Variants in TKTL1 observed in about 807,000 individuals in gnomAD.
The protein encoded by TKTL1 is transketolase-like protein 1.
A neutral mutation model predicts 39.3 loss-of-function variants in TKTL1; 1 was observed. The observed-to-expected ratio is 0.03, with a 90% CI of 0.01 to 0.12. The LOEUF is 0.12. Ranked by LOEUF, TKTL1 falls within the 10% of genes least tolerant of loss-of-function variation. TKTL1 has a pLI of 1.00. For missense variants in TKTL1, 575 were observed against 509.6 expected (o/e 1.13, Z -1.24); for synonymous variants, 262 against 193.8 (o/e 1.35, Z -2.92).
At chrX:154,320,673 T>C in intron 7 of TKTL1, 84 bp from the exon 8 acceptor site, 1 of 967,991 alleles carries the variant, frequency 1.0e-6, no homozygotes, top group South Asian at 2.0e-5. Flanking sequence ...AGGTGCAGAA[T>C]GGGAGTTATC....
At chrX:154,300,840 G>A (rs2067268030) in intron 1 of TKTL1, among the ~76,000 whole-genome samples, 1 of 110,472 alleles carries the variant, frequency 9.1e-6, no homozygotes, top group Non-Finnish European at 1.9e-5. Flanking sequence ...CTACAGGTGT[G>A]TGCCACCGCA....
rs1557169146 is a variant in TKTL1, at chrX:154,315,288, A to G, written c.980A>G (p.Lys327Arg). 1 of 1,209,422 alleles carries G rather than the reference A, an allele frequency of 8.3e-7. No individual in the cohort carries two copies. Among genetic ancestry groups the G allele is most frequent in the Admixed American group, 2.2e-5 (1 of 45,681 alleles). The change falls in exon 7 of 13, where the codon AAG becomes AGG. Residue 327 changes from lysine (K) to arginine (R), a missense_variant. By Grantham distance (26) the Lys-to-Arg change is conservative. Coordinates refer to ENST00000369915, the MANE Select transcript of TKTL1 (RefSeq NM_012253.4). ...TCTACTTTCTCTGAGATATTCAACA[A>G]GGAGTACCCTGAGCGCTTCATCGAG... ...RYSTFSEIFNKEYPERFIECF... is the reference protein window; with the variant it reads ...RYSTFSEIFNREYPERFIECF...
chrX:154,324,159 TC>T (rs2067475447), intron 9 of TKTL1, among the ~76,000 whole-genome samples: 1 of 111,002 alleles, frequency 9.0e-6, no homozygotes. Flanking sequence ...GGGTTTTTTT[TC>T]TTTGGAGACA....
At chrX:154,308,801 G>A (rs139237394) in intron 2 of TKTL1, among the ~76,000 whole-genome samples, 2,036 of 109,934 alleles carry the variant, frequency 0.019, 27 homozygotes, top group African/African-American at 0.053. Context: ...CATTTCTAGC[G>A]TGGGCACTTC....
chrX:154,305,067 C>T (rs1389597034), intron 1 of TKTL1: 14 of 1,125,763 alleles, frequency 1.2e-5, no homozygotes, highest in Admixed American at 2.7e-5. Flanking sequence ...AAACTTGCCC[C>T]GAGTCCACGG....
chrX:154,315,008 A>G (rs782252701), intron 6 of TKTL1, among the ~76,000 whole-genome samples, 165 bp from the exon 7 acceptor site: 4 of 111,865 alleles, frequency 3.6e-5, no homozygotes, highest in African/African-American at 1.3e-4. Flanking sequence ...ATTGGCTAGC[A>G]GTCCATGTTT....
chrX:154,318,755 G>A (rs1603353892), intron 7 of TKTL1, among the ~76,000 whole-genome samples: 1 of 99,216 alleles, frequency 1.0e-5, no homozygotes, highest in African/African-American at 3.7e-5. Flanking sequence ...GAACAACATA[G>A]TGAGACCTGG....
chrX:154,298,781 C>T lies in TKTL1; in HGVS notation c.134+2788C>T, dbSNP rs781911010. Among the ~76,000 whole-genome samples, 3 of 111,212 alleles carry T rather than the reference C, an allele frequency of 2.7e-5. No homozygotes were observed. In the South Asian group the frequency reaches 1.1e-3, roughly 41 times the overall value. On this transcript the variant is annotated intron_variant, in intron 1 of 12. Coordinates refer to ENST00000369915, the MANE Select transcript of TKTL1 (RefSeq NM_012253.4). ...TGCTTTGATCTTTTTTATTTCCTTT[C>T]TCCTGCTAGCTTTGGGTTTAGTCCT...
intron 2 of TKTL1, among the ~76,000 whole-genome samples, chrX:154,308,146 C>T (rs782306612): frequency 8.9e-6 from 1 of 111,843 alleles, no homozygotes; most frequent in South Asian, 3.7e-4. Flanking sequence ...TGGGGCCAAG[C>T]ATCTGGAATC....
intron 1 of TKTL1, among the ~76,000 whole-genome samples, chrX:154,297,252 G>GTT (rs1178551145): frequency 9.5e-6 from 1 of 105,784 alleles, no homozygotes; most frequent in Non-Finnish European, 2.0e-5. Context: ...GGTTTTTTTT[G>GTT]TTTTTTTTTT....
chrX:154,304,972 A>G (rs1557166851), intron 1 of TKTL1: 6 of 987,521 alleles, frequency 6.1e-6, no homozygotes, highest in South Asian at 2.0e-5. Flanking sequence ...CTGATTCACA[A>G]TGCTCCTGAA....
At chrX:154,305,068 G>C (rs782762813) in intron 1 of TKTL1, 2 of 1,128,835 alleles carry the variant, frequency 1.8e-6, no homozygotes, top group Non-Finnish European at 2.4e-6. Flanking sequence ...AACTTGCCCC[G>C]AGTCCACGGT....
At chrX:154,325,551 G>C (rs2067487640) in intron 10 of TKTL1, 129 bp downstream of exon 10, 1 of 579,465 alleles carries the variant, frequency 1.7e-6, no homozygotes, top group African/African-American at 2.2e-5. Flanking sequence ...TTAAAAAACA[G>C]TTGTGACCTT....
intron 2 of TKTL1, among the ~76,000 whole-genome samples, chrX:154,306,620 G>C (rs1025504768): frequency 9.0e-6 from 1 of 111,386 alleles, no homozygotes; most frequent in Non-Finnish European, 1.9e-5. Context: ...CTATAAACTT[G>C]AACTTTTTTT....
At chrX:154,316,760 T>TG (rs2067403419) in intron 7 of TKTL1, among the ~76,000 whole-genome samples, 2 of 107,178 alleles carry the variant, frequency 1.9e-5, no homozygotes, top group East Asian at 5.9e-4. Context: ...GTTTTTGGTT[T>TG]TTTTTTGGGG....
At chrX:154,320,254 G>A (rs2067438057) in intron 7 of TKTL1, 2 of 115,142 alleles carry the variant, frequency 1.7e-5, no homozygotes, top group African/African-American at 3.2e-5. Flanking sequence ...GAGAAAGCAG[G>A]GGCAATGACT....
chrX:154,316,811 C>T (rs1043041298), intron 7 of TKTL1, among the ~76,000 whole-genome samples: 16 of 106,362 alleles, frequency 1.5e-4, no homozygotes, highest in South Asian at 4.3e-4. Flanking sequence ...TCTCTCTCAC[C>T]GAGGCTGGAG....
chrX:154,303,456 C>T (rs1322018769), intron 1 of TKTL1, among the ~76,000 whole-genome samples: 3 of 89,250 alleles, frequency 3.4e-5, no homozygotes, highest in Non-Finnish European at 6.4e-5. Context: ...GTCTCAAACT[C>T]CTGGGCTCAA....
intron 6 of TKTL1, among the ~76,000 whole-genome samples, chrX:154,313,634 C>T (rs781831992): frequency 4.5e-5 from 5 of 111,293 alleles, no homozygotes; most frequent in Middle Eastern, 4.6e-3. Context: ...AGAAAGGAGA[C>T]GGTATATCAA....
Sources: allele counts gnomAD v4.1 joint callset (sites outside exome capture counted in the v4.1 genomes callset), GRCh38; gene constraint gnomAD v4.1.1; transcripts MANE v1.5; gene names NCBI Gene and HGNC (gene_info 2026-07-23, HGNC 2026-07-21).